TLR6: variants seen among roughly 807,000 people sequenced by gnomAD.
TLR6 encodes the protein toll-like receptor 6.
In TLR6, 9 loss-of-function variants were observed where a neutral mutation model predicts 16.1. The ratio of observed to expected loss-of-function variants is 0.56; its 90% CI spans 0.34 to 0.98. The LOEUF (loss-of-function observed/expected upper bound fraction) is 0.98. TLR6 is among the 50% of genes least tolerant of loss of function. The pLI, the probability that TLR6 is intolerant of heterozygous loss-of-function variation, is 0.02. For synonymous variants in TLR6, 340 were observed against 338.6 expected, an observed-to-expected ratio of 1.00 and a Z score of -0.04; for missense variants, 786 against 921.0, an observed-to-expected ratio of 0.85 and a Z score of 1.90.
At chr4:38,828,840 G>C in exon 2 of TLR6, 1 of 1,613,966 alleles carries the variant, frequency 6.2e-7, no homozygotes, top group Non-Finnish European at 8.5e-7. Flanking sequence ...ATGTTCACTT[G>C]GATAGCGAAT....
At chr4:38,839,032 AAGAG>A (rs367572498) in intron 1 of TLR6, among the ~76,000 whole-genome samples, 3 of 141,116 alleles carry the variant, frequency 2.1e-5, no homozygotes, top group East Asian at 4.2e-4. Context: ...AAAGTTAAGA[AAGAG>A]AGAGAAAGAA....
intron 1 of TLR6, among the ~76,000 whole-genome samples, chr4:38,854,477 G>A (rs1712889973): frequency 6.6e-6 from 1 of 152,106 alleles, no homozygotes; most frequent in African/African-American, 2.4e-5. Flanking sequence ...ATAAAAAGAG[G>A]AAGGGGGTCA....
At chr4:38,861,050 G>A (rs1713182823), upstream of TLR6, among the ~76,000 whole-genome samples, 1 of 151,916 alleles carries the variant, frequency 6.6e-6, no homozygotes, top group Non-Finnish European at 1.5e-5. Flanking sequence ...TATCTTCTTG[G>A]GTGCACCCTT....
At chr4:38,834,099 G>A (rs867001018) in intron 1 of TLR6, among the ~76,000 whole-genome samples, 10 of 150,880 alleles carry the variant, frequency 6.6e-5, no homozygotes, top group African/African-American at 7.3e-5. Context: ...TTAGTTGGGC[G>A]TGGTGGCAGG....
chr4:38,842,033 T>C (rs1712288486), intron 1 of TLR6, among the ~76,000 whole-genome samples: 1 of 152,208 alleles, frequency 6.6e-6, no homozygotes, highest in African/African-American at 2.4e-5. Flanking sequence ...GATTTTGATC[T>C]TCCAGGATTT....
chr4:38,824,092 CCCCCTGCCTGG>C (rs970160371), exon 2 of TLR6: 2 of 138,304 alleles, frequency 1.4e-5, no homozygotes, highest in African/African-American at 6.7e-5. Context: ...GCCCCCGCCC[CCCCCTGCCTGG>C]GCTTTTTAGA....
chr4:38,863,628 C>G, the TLR6 span, among the ~76,000 whole-genome samples: 1 of 152,192 alleles, frequency 6.6e-6, no homozygotes, highest in African/African-American at 2.4e-5. Context: ...ATTAATTTCT[C>G]TTTTGCTCAA....
chr4:38,837,187 T>C (rs981929622), intron 1 of TLR6, among the ~76,000 whole-genome samples: 1 of 151,986 alleles, frequency 6.6e-6, no homozygotes, highest in Non-Finnish European at 1.5e-5. Context: ...TCCAATGCAA[T>C]CCCTATCAAA....
At chr4:38,835,900 A>G (rs746675589) in intron 1 of TLR6, among the ~76,000 whole-genome samples, 1 of 152,198 alleles carries the variant, frequency 6.6e-6, no homozygotes, top group South Asian at 2.1e-4. Flanking sequence ...ATTAAATAGG[A>G]GGTAAAAAAG....
At chr4:38,836,085 A>C (rs902937862) in intron 1 of TLR6, among the ~76,000 whole-genome samples, 2 of 152,162 alleles carry the variant, frequency 1.3e-5, no homozygotes, top group African/African-American at 4.8e-5. Flanking sequence ...TAGAAAAGCA[A>C]GAACAAACAC....
chr4:38,858,751 GA>G (rs1713091249), upstream of TLR6, among the ~76,000 whole-genome samples: 1 of 65,854 alleles, frequency 1.5e-5, no homozygotes, highest in Non-Finnish European at 2.7e-5. Context: ...AAGAGAGAGA[GA>G]GAGAGGGAGA....
the TLR6 span, chr4:38,868,239 A>G: frequency 6.2e-6 from 1 of 160,762 alleles, no homozygotes; most frequent in Non-Finnish European, 1.4e-5. Context: ...CTCGGGGCCA[A>G]GTCAGAGGTG....
At chr4:38,836,931 C>A (rs1386420966) in intron 1 of TLR6, among the ~76,000 whole-genome samples, 4 of 143,292 alleles carry the variant, frequency 2.8e-5, no homozygotes, top group African/African-American at 1.0e-4. Context: ...CAGAGTGAGA[C>A]TCAGTCTCAA....
intron 1 of TLR6, among the ~76,000 whole-genome samples, chr4:38,849,387 C>A (rs191164793): frequency 1.1e-4 from 16 of 152,248 alleles, no homozygotes; most frequent in Non-Finnish European, 1.8e-4. Flanking sequence ...GCAGAATAAC[C>A]AGCTAACATC....
exon 2 of TLR6, chr4:38,827,056 T>A (rs1325312449): frequency 6.7e-7 from 1 of 1,499,532 alleles, no homozygotes; most frequent in African/African-American, 1.4e-5. Flanking sequence ...AAATAATGGT[T>A]TCTTAAGTTG....
rs777119638 is a variant in TLR6, at chr4:38,828,692, G to A, written c.782C>T (p.Thr261Met). 17 of 1,614,002 alleles carry A rather than the reference G, an allele frequency of 1.1e-5. No individual in the cohort carries two copies. The highest frequency in any genetic ancestry group is 3.3e-5 in the Admixed American group (2 of 60,004). The change falls in exon 2 of 2, where the codon ACG (threonine) becomes ATG (methionine). Residue 261 changes from threonine to methionine, a missense_variant. Transcript: ENST00000436693. ...GACTCTGACCAGGCATTTCCAAGTC[G>A]TTTCTATGTGGTTGAGGGTAAAATT...
At chr4:38,842,872 G>T (rs1210687251) in intron 1 of TLR6, among the ~76,000 whole-genome samples, 3 of 151,892 alleles carry the variant, frequency 2.0e-5, no homozygotes, top group African/African-American at 7.3e-5. Flanking sequence ...TTAATCCCAG[G>T]AGTGTTTTAG....
At chr4:38,829,032 G>A in exon 2 of TLR6, 1 of 1,614,142 alleles carries the variant, frequency 6.2e-7, no homozygotes. Context: ...AAGAAATTCA[G>A]TTGTGATAAG....
At chr4:38,833,797 G>T (rs1462982934) in intron 1 of TLR6, among the ~76,000 whole-genome samples, 1 of 151,894 alleles carries the variant, frequency 6.6e-6, no homozygotes, top group African/African-American at 2.4e-5. Context: ...AATAATAAAA[G>T]AAATCAGAAA....
Sources: allele counts gnomAD v4.1 joint callset (sites outside exome capture counted in the v4.1 genomes callset), GRCh38; gene constraint gnomAD v4.1.1; transcripts MANE v1.5; gene names NCBI Gene and HGNC (gene_info 2026-07-23, HGNC 2026-07-21).